Variants in SHLD1 observed in about 807,000 individuals in gnomAD.
SHLD1 encodes shieldin complex subunit 1.
SHLD1 carries 3 observed loss-of-function variants against 5.5 expected under a neutral mutation model. The observed-to-expected ratio is 0.54, with a 90% CI of 0.25 to 1.40. The LOEUF (loss-of-function observed/expected upper bound fraction) is 1.40. SHLD1 is among the 40% of genes most tolerant of loss of function. SHLD1 has a pLI of 0.15. For synonymous variants in SHLD1, 92 were observed against 94.3 expected, an observed-to-expected ratio of 0.98 and a Z score of 0.14; for missense variants, 210 against 244.4, an observed-to-expected ratio of 0.86 and a Z score of 0.94.
rs956324378 is a variant in SHLD1 at position 5,829,077 on chromosome 20, A to C, written c.179-33947A>C. On this transcript the variant is annotated intron_variant, in intron 2 of 2. Transcript: ENST00000303142. ...ATTTTTGTAGAGACAGAGTCTCACT[A>C]TGTTGCCCAGGCTGGTCTCAACTCC... Among the ~76,000 whole-genome samples, 4 of 141,672 alleles carry C rather than the reference A, an allele frequency of 2.8e-5. No individual in the cohort carries two copies. In the East Asian group the frequency reaches 6.6e-4, roughly 23 times the overall value. The allele number at this position is 141,672 out of a possible 152,430, so 92.9% of individuals were successfully genotyped here.
rs2087201603 is a variant in SHLD1, at chr20:5,795,643, A to G, written c.178+22600A>G. Among the ~76,000 whole-genome samples the G allele has an allele frequency of 3.3e-5, 5 of 150,452 alleles. No homozygotes were observed. In the Admixed American group the frequency reaches 3.3e-4, roughly 10 times the overall value. On this transcript the variant is annotated intron_variant, in intron 2 of 2. Transcript: ENST00000303142. Reference sequence around the variant, plus strand: ...AAAAAAATCAGGCTGTGTAAGTTTCATAACTACACAGAACAAATAGAAATG... The same window carrying G: ...AAAAAAATCAGGCTGTGTAAGTTTCGTAACTACACAGAACAAATAGAAATG...
At chr20:5,758,425 ATT>A (rs990230216) in intron 1 of SHLD1, among the ~76,000 whole-genome samples, 1 of 90,030 alleles carries the variant, frequency 1.1e-5, no homozygotes, top group African/African-American at 3.5e-5. Flanking sequence ...TTTTTTTTAT[ATT>A]TTTTTTTTTT....
chr20:5,863,583 TGC>T lies in SHLD1; in HGVS notation c.*121_*122del. The T allele has an allele frequency of 9.9e-7, 1 of 1,010,278 alleles. No homozygotes were observed. Among genetic ancestry groups the T allele is most frequent in the South Asian group, 1.6e-5 (1 of 61,498 alleles). The allele number at this position is 1,010,278 out of a possible 1,614,324, so 62.6% of individuals were successfully genotyped here. On this transcript the variant is annotated 3_prime_UTR_variant, in exon 3 of 3. Coordinates refer to ENST00000303142, the MANE Select transcript of SHLD1 (RefSeq NM_152504.4). ...CTCTGTGTGCCCAATCCCAATTAAG[TGC>T]TTTGAGGTTAAAGGCTGGCACCTGT...
chr20:5,784,552 G>A (rs1237733386), intron 2 of SHLD1, among the ~76,000 whole-genome samples: 5 of 151,922 alleles, frequency 3.3e-5, no homozygotes, highest in Admixed American at 6.6e-5. Flanking sequence ...CCGGGTTCAC[G>A]CCATTCTCCT....
chr20:5,788,060 G>A (rs1424844931), intron 2 of SHLD1, among the ~76,000 whole-genome samples: 1 of 152,142 alleles, frequency 6.6e-6, no homozygotes, highest in Non-Finnish European at 1.5e-5. Flanking sequence ...TGTTCCTAGT[G>A]GAGTTGTTTC....
chr20:5,851,998 C>T (rs2088016566), intron 2 of SHLD1, among the ~76,000 whole-genome samples: 4 of 151,714 alleles, frequency 2.6e-5, no homozygotes, highest in Admixed American at 1.3e-4. Flanking sequence ...AAGAGTGTAG[C>T]GTCTCACACC....
chr20:5,801,171 A>G (rs540329129), intron 2 of SHLD1, among the ~76,000 whole-genome samples: 1 of 150,648 alleles, frequency 6.6e-6, no homozygotes, highest in South Asian at 2.1e-4. Context: ...TCCATCTCCC[A>G]GGTTCAAGCC....
At chr20:5,775,710 GT>G (rs1466357971) in intron 2 of SHLD1, among the ~76,000 whole-genome samples, 1 of 152,050 alleles carries the variant, frequency 6.6e-6, no homozygotes, top group Non-Finnish European at 1.5e-5. Flanking sequence ...TCTTCCCCTG[GT>G]TTGACTTTGG....
intron 2 of SHLD1, among the ~76,000 whole-genome samples, chr20:5,785,151 C>T (rs1400846454): frequency 6.6e-6 from 1 of 152,196 alleles, no homozygotes; most frequent in Non-Finnish European, 1.5e-5. Context: ...TTCAAACAGA[C>T]ACCGTCACTA....
At chr20:5,755,551 T>G (rs1386323337) in intron 1 of SHLD1, among the ~76,000 whole-genome samples, 1 of 149,720 alleles carries the variant, frequency 6.7e-6, no homozygotes, top group Non-Finnish European at 1.5e-5. Context: ...GAAGAACATT[T>G]TCTTTTTCTT....
intron 1 of SHLD1, among the ~76,000 whole-genome samples, chr20:5,772,594 T>C (rs1985226060): frequency 6.6e-6 from 1 of 152,050 alleles, no homozygotes; most frequent in Non-Finnish European, 1.5e-5. Context: ...TGTAAATCAT[T>C]CTGATTTCAC....
intron 2 of SHLD1, among the ~76,000 whole-genome samples, chr20:5,862,220 A>C (rs2088172324): frequency 1.3e-5 from 2 of 152,206 alleles, no homozygotes. Flanking sequence ...ATAGCGTAAA[A>C]ATTTAAAACA....
intron 2 of SHLD1, among the ~76,000 whole-genome samples, chr20:5,822,432 C>G (rs1159410170): frequency 6.6e-6 from 1 of 152,060 alleles, no homozygotes. Context: ...GCACTCCAGC[C>G]TGGGCTACAG....
At chr20:5,768,571 C>T (rs1050759810) in intron 1 of SHLD1, among the ~76,000 whole-genome samples, 14 of 152,212 alleles carry the variant, frequency 9.2e-5, no homozygotes, top group African/African-American at 3.4e-4. Flanking sequence ...TGACTGACTG[C>T]ATGTTTGGTC....
At chr20:5,815,105 A>C (rs1464205361) in intron 2 of SHLD1, among the ~76,000 whole-genome samples, 1 of 152,002 alleles carries the variant, frequency 6.6e-6, no homozygotes, top group Admixed American at 6.6e-5. Flanking sequence ...GCCCTGGGGG[A>C]GAATTGAGCT....
rs552403272 is a variant in SHLD1, at chr20:5,760,198, G to A, written c.-5+9719G>A. 2.4e-4 allele frequency among the ~76,000 whole-genome samples: 36 copies of A among 152,272 alleles called. 1 individual carries two copies. Among genetic ancestry groups the A allele is most frequent in the South Asian group, 2.3e-3 (11 of 4,830 alleles). On this transcript the variant is annotated intron_variant, in intron 1 of 2. Transcript: ENST00000303142. Reference sequence around the variant, plus strand: ...CAGAGAAGGGATTGTTGTTGCTGAAGGCTTCTGGAAAGGTCTAGAGAGTGG... The same window carrying A: ...CAGAGAAGGGATTGTTGTTGCTGAAAGCTTCTGGAAAGGTCTAGAGAGTGG...
At chr20:5,813,178 T>C (rs2087483091) in intron 2 of SHLD1, among the ~76,000 whole-genome samples, 1 of 151,848 alleles carries the variant, frequency 6.6e-6, no homozygotes, top group Non-Finnish European at 1.5e-5. Flanking sequence ...GCCTGGTCTT[T>C]AAAGGGCTTT....
chr20:5,838,291 A>C, intron 2 of SHLD1, among the ~76,000 whole-genome samples: 1 of 152,228 alleles, frequency 6.6e-6, no homozygotes, highest in East Asian at 1.9e-4. Flanking sequence ...TAGACATATA[A>C]AGATTTTAAA....
At chr20:5,859,282 G>T (rs2088129471) in intron 2 of SHLD1, among the ~76,000 whole-genome samples, 1 of 152,126 alleles carries the variant, frequency 6.6e-6, no homozygotes, top group South Asian at 2.1e-4. Flanking sequence ...CAGGGGAGGG[G>T]TGAGGGGCAG....
Sources: gnomAD v4.1 joint callset for allele counts (sites outside exome capture counted in the v4.1 genomes callset) on GRCh38, gnomAD v4.1.1 for gene constraint, MANE v1.5 for transcripts, NCBI Gene and HGNC (gene_info 2026-07-23, HGNC 2026-07-21) for gene names.